PRLR: variants seen among roughly 807,000 people sequenced by gnomAD.
PRLR encodes prolactin receptor.
In PRLR, 13 loss-of-function variants were observed where a neutral mutation model predicts 40.2. The observed-to-expected ratio is 0.32, with a 90% CI of 0.21 to 0.51. The LOEUF is 0.51. PRLR is among the 20% of genes least tolerant of loss of function. PRLR has a pLI of 0.97. For missense variants in PRLR, 656 were observed against 747.3 expected (o/e 0.88, Z 1.42); for synonymous variants, 269 against 278.7 (o/e 0.97, Z 0.35).
At chr5:35,153,777 C>CA (rs200470693) in intron 1 of PRLR, among the ~76,000 whole-genome samples, 3,013 of 145,770 alleles carry the variant, frequency 0.021, 112 homozygotes, top group African/African-American at 0.071. Flanking sequence ...ACACACACAC[C>CA]CCATTGTTAT....
intron 1 of PRLR, among the ~76,000 whole-genome samples, chr5:35,203,477 A>T (rs1775933246): frequency 6.6e-6 from 1 of 152,176 alleles, no homozygotes; most frequent in Non-Finnish European, 1.5e-5. Context: ...GATAGTTGGA[A>T]TTATTACCCT....
Position 35,072,563 on chromosome 5 carries a change from T to A in PRLR, c.543+12A>T. 1 of 1,611,812 alleles carries A rather than the reference T, an allele frequency of 6.2e-7. No homozygotes were observed. Among genetic ancestry groups the A allele is most frequent in the Non-Finnish European group, 8.5e-7 (1 of 1,178,962 alleles). ...GGCCATAGTTCCTTCAAAAAGCATA[T>A]GGATCACTCACCTCCCACTCAGCTG... On this transcript the variant is annotated intron_variant, in intron 6 of 9. Transcript: ENST00000618457.
chr5:35,143,312 T>C (rs1364764135), intron 1 of PRLR, among the ~76,000 whole-genome samples: 1 of 152,226 alleles, frequency 6.6e-6, no homozygotes, highest in African/African-American at 2.4e-5. Flanking sequence ...CAAAAATGGT[T>C]CTAAAACTTT....
At chr5:35,107,188 G>A (rs1193350125) in intron 2 of PRLR, among the ~76,000 whole-genome samples, 1 of 152,160 alleles carries the variant, frequency 6.6e-6, no homozygotes, top group Admixed American at 6.5e-5. Flanking sequence ...TGAGAACAAA[G>A]ACACTACATA....
At chr5:35,171,437 G>C (rs1774994210) in intron 1 of PRLR, among the ~76,000 whole-genome samples, 2 of 152,174 alleles carry the variant, frequency 1.3e-5, no homozygotes, top group African/African-American at 4.8e-5. Context: ...TTTATTTGCA[G>C]TTGAGGACCA....
Position 35,084,612 on chromosome 5 carries a change from G to A in PRLR, c.231C>T (p.Asp77=). Residue 77 remains aspartate (D), a synonymous_variant, in exon 5 of 10, where the codon GAC becomes GAT. Transcript: ENST00000618457. ...EGETLMHECP[D]YITGGPNSCH... is the part of the protein sequence containing the mutation. ...AGGAGTTGGGGCCACCGGTTATGTA[G>A]TCTGGACATTCATGCATGAGTGTCT... is the stretch of plus-strand genomic sequence containing the variant. 6.2e-7 allele frequency: 1 copy of A among 1,611,238 alleles called. No individual in the cohort carries two copies. Among genetic ancestry groups the A allele is most frequent in the African/African-American group, 1.3e-5 (1 of 74,904 alleles).
intron 8 of PRLR, 90 bp from the exon 9 acceptor site, chr5:35,068,375 T>A: frequency 8.8e-7 from 1 of 1,136,488 alleles, no homozygotes; most frequent in Non-Finnish European, 1.3e-6. Flanking sequence ...ATAGGGACTG[T>A]GATAGAGATA....
intron 5 of PRLR, chr5:35,081,078 T>C (rs1770481193): frequency 1.3e-5 from 2 of 149,000 alleles, no homozygotes; most frequent in Admixed American, 6.7e-5. Flanking sequence ...CATTAGGAGA[T>C]ATACCTAATG....
chr5:35,099,186 T>A (rs1252259908), intron 2 of PRLR, among the ~76,000 whole-genome samples: 1 of 152,140 alleles, frequency 6.6e-6, no homozygotes, highest in Non-Finnish European at 1.5e-5. Flanking sequence ...TGAGGTCAGG[T>A]GATGAAGTGG....
intron 3 of PRLR, 70 bp from the exon 4 acceptor site, chr5:35,086,410 C>T: frequency 6.4e-7 from 1 of 1,567,892 alleles, no homozygotes; most frequent in Non-Finnish European, 8.7e-7. Context: ...CTGCTGGTGA[C>T]AGAAACAGAT....
rs184918481 is a variant in PRLR, at chr5:35,086,700, G to A, written c.71-360C>T. On this transcript the variant is annotated intron_variant, in intron 3 of 9. Transcript: ENST00000618457. ...ACATATTGGTTGAAGAGTGTGTGGT[G>A]GCCCTTTTGTAATCCCACAAGGTCT... Among the ~76,000 whole-genome samples, 159 of 152,128 alleles carry A rather than the reference G, an allele frequency of 1.0e-3. 1 individual carries two copies. The highest frequency in any genetic ancestry group is 3.4e-3 in the African/African-American group (143 of 41,502).
intron 2 of PRLR, among the ~76,000 whole-genome samples, chr5:35,111,390 G>C (rs1772651785): frequency 6.6e-6 from 1 of 152,138 alleles, no homozygotes; most frequent in African/African-American, 2.4e-5. Context: ...GATGGTAGAG[G>C]TGGGACAGAT....
chr5:35,113,266 C>T (rs1382025372), intron 2 of PRLR, among the ~76,000 whole-genome samples: 3 of 149,278 alleles, frequency 2.0e-5, no homozygotes, highest in African/African-American at 5.0e-5. Flanking sequence ...TTTATCCACC[C>T]ACCCATTTAT....
intron 1 of PRLR, among the ~76,000 whole-genome samples, chr5:35,204,833 A>C (rs1004587802): frequency 4.6e-5 from 7 of 152,188 alleles, no homozygotes; most frequent in Admixed American, 2.0e-4. Context: ...ATGGGGTCTC[A>C]ATAAATATTG....
chr5:35,070,312 G>T, intron 6 of PRLR, 47 bp from the exon 7 acceptor site: 1 of 1,598,080 alleles, frequency 6.3e-7, no homozygotes, highest in South Asian at 1.1e-5. Flanking sequence ...CATTTGTTGT[G>T]AAGAAAGAGA....
intron 2 of PRLR, among the ~76,000 whole-genome samples, chr5:35,102,497 ACTCCT>A (rs796335773): frequency 0.062 from 4,280 of 68,828 alleles, 245 homozygotes; most frequent in South Asian, 0.16. Context: ...TCTCCTCTCC[ACTCCT>A]CTCCTCTCCT....
At chr5:35,118,827 C>A (rs1773166684) in intron 1 of PRLR, among the ~76,000 whole-genome samples, 1 of 143,648 alleles carries the variant, frequency 7.0e-6, no homozygotes, top group Non-Finnish European at 1.6e-5. Flanking sequence ...ACTGTGTCTC[C>A]CAGGCTGGAG....
rs761415342 is a variant in PRLR, at chr5:35,065,304, C to G, written c.1654G>C (p.Val552Leu). The change falls in exon 10 of 10, where the codon GTC (valine) becomes CTC (leucine). Residue 552 changes from valine to leucine, a missense_variant. Transcript: ENST00000618457. Reference protein sequence around the residue: ...NNKEYAKVSGVMDNNILVLVP... With the variant: ...NNKEYAKVSGLMDNNILVLVP... ...AACACCAGGATGTTGTTATCCATGA[C>G]CCCGGACACCTTGGCATACTCCTTA... is the stretch of plus-strand genomic sequence containing the variant. The G allele has an allele frequency of 1.3e-5, 21 of 1,613,956 alleles. No individual in the cohort carries two copies. Among genetic ancestry groups the G allele is most frequent in the Non-Finnish European group, 1.5e-5 (18 of 1,179,956 alleles).
chr5:35,134,349 T>G lies in PRLR; in HGVS notation c.-105-16227A>C, dbSNP rs573850701. 3.0e-4 allele frequency among the ~76,000 whole-genome samples: 42 copies of G among 140,714 alleles called. 1 individual carries two copies. In the South Asian group the frequency reaches 9.2e-3, roughly 31 times the overall value. 92.3% of individuals were successfully genotyped at this position (140,714 alleles called of 152,430 possible). A position where few individuals can be genotyped will look rare whatever the true frequency, so the allele number is the denominator to read the frequency against. ...TTCCTTGGATTATCACAGCAAGATCTGGCGCTGTGAAGATCATATTGCTTT... is the reference window on the plus strand; with the variant it reads ...TTCCTTGGATTATCACAGCAAGATCGGGCGCTGTGAAGATCATATTGCTTT... On this transcript the variant is annotated intron_variant, in intron 1 of 9. Transcript: ENST00000618457.
Sources: gnomAD v4.1 joint callset for allele counts (sites outside exome capture counted in the v4.1 genomes callset) on GRCh38, gnomAD v4.1.1 for gene constraint, MANE v1.5 for transcripts, NCBI Gene and HGNC (gene_info 2026-07-23, HGNC 2026-07-21) for gene names.